The following PRSS57 variants were observed in gnomAD, a reference collection of about 807,000 sequenced individuals.
PRSS57 encodes the protein neutrophil serine protease 4.
A neutral mutation model predicts 20.6 loss-of-function variants in PRSS57; 19 were observed. That is an observed-to-expected ratio of 0.92 (90% CI 0.64 to 1.35). PRSS57 has a LOEUF of 1.35. Ranked by LOEUF, PRSS57 falls within the 40% of genes most tolerant of loss-of-function variation. PRSS57 has a pLI of 0.00. For missense variants in PRSS57, 440 were observed against 403.7 expected, an observed-to-expected ratio of 1.09 and a Z score of -0.77; for synonymous variants, 203 against 176.6, an observed-to-expected ratio of 1.15 and a Z score of -1.19.
At chr19:688,586 G>C (rs1421693408) in intron 3 of PRSS57, among the ~76,000 whole-genome samples, 5 of 145,894 alleles carry the variant, frequency 3.4e-5, no homozygotes, top group Non-Finnish European at 7.5e-5. Context: ...CCCACCCGGA[G>C]GACTCCACCC....
rs772793152 is a variant in PRSS57 at position 687,170 on chromosome 19, G to A, written c.397C>T (p.Leu133=). Residue 133 remains leucine, a synonymous_variant, in exon 4 of 5, where the codon CTG becomes TTG. Transcript: ENST00000329267. ...CTCAGCAGCCCCACTGCAGGGCCCA[G>A]GACAGCAGAGCCGTTCAGCTGCAGG... is the stretch of plus-strand genomic sequence containing the variant. ...CLLRLNGSAV[L]GPAVGLLRPP... is the part of the protein sequence containing the mutation. The A allele has an allele frequency of 3.8e-6, 6 of 1,570,046 alleles. No homozygotes were observed. The Admixed American group carries it at 1.1e-4, about 29-fold the overall frequency.
In PRSS57 at chr19:685,915, G is replaced by A; in HGVS notation, c.650C>T (p.Ser217Phe). ...SHRRGFCSAD[S>F]GGPLVCRNRA... ...GTTCCTGCACACCAGGGGCCCTCCGGAGTCGGCCTGGAGTGAAAGGAGAGG... is the reference window on the plus strand; with the variant it reads ...GTTCCTGCACACCAGGGGCCCTCCGAAGTCGGCCTGGAGTGAAAGGAGAGG... The change falls in exon 5 of 5, where the codon TCC becomes TTC. Residue 217 changes from serine to phenylalanine, a missense_variant. Transcript: ENST00000329267. 1 of 1,542,576 alleles carries A rather than the reference G, an allele frequency of 6.5e-7. No homozygotes were observed. Among genetic ancestry groups the A allele is most frequent in the South Asian group, 1.2e-5 (1 of 83,932 alleles).
rs1206085603 is a variant in PRSS57 at position 687,196 on chromosome 19, G to A, written c.379-8C>T. On this transcript the variant is annotated splice_region_variant and splice_polypyrimidine_tract_variant and intron_variant, in intron 3 of 4. Transcript: ENST00000329267. Reference sequence around the variant, plus strand: ...GACAGCAGAGCCGTTCAGCTGCAGGGAGAGCATGAGTTCAGGCCACTGGGC... The same window carrying A: ...GACAGCAGAGCCGTTCAGCTGCAGGAAGAGCATGAGTTCAGGCCACTGGGC... 1.3e-6 allele frequency: 2 copies of A among 1,510,184 alleles called. No homozygotes were observed. Among genetic ancestry groups the A allele is most frequent in the Admixed American group, 2.2e-5 (1 of 45,940 alleles). The allele number at this position is 1,510,184 out of a possible 1,614,324, so 93.5% of individuals were successfully genotyped here. A position where few individuals can be genotyped will look rare whatever the true frequency, so the allele number is the denominator to read the frequency against.
intron 3 of PRSS57, 144 bp from the exon 4 acceptor site, chr19:687,332 C>G: frequency 1.0e-6 from 1 of 963,648 alleles, no homozygotes. Context: ...AGGCCCCGTT[C>G]CTTCTGCCAA....
chr19:693,230 C>T (rs58224272), intron 2 of PRSS57, among the ~76,000 whole-genome samples: 100,239 of 131,388 alleles, frequency 0.76, 38,451 homozygotes, highest in Middle Eastern at 0.83. Context: ...CGCACCCGGC[C>T]TTTTTTTTTT....
In PRSS57 at chr19:685,756, G is replaced by T; in HGVS notation, c.809C>A (p.Pro270His). The stretch of plus-strand genomic sequence containing the variant: ...TGGGGGCCTGGTGGTCCCAGGCAGG[G>T]GGCCGGGCTGGGGACTGCTCCGCCG... The part of the protein sequence containing the change: ...VVRRSSPQPG[P>H]LPGTTRPPGE... The change falls in exon 5 of 5, where the codon CCC (proline) becomes CAC (histidine). Residue 270 changes from proline (P) to histidine (H), a missense_variant. Transcript: ENST00000329267. 2 of 1,560,944 alleles carry T rather than the reference G, an allele frequency of 1.3e-6. No individual in the cohort carries two copies. Among genetic ancestry groups the T allele is most frequent in the East Asian group, 2.4e-5 (1 of 42,030 alleles).
intron 2 of PRSS57, among the ~76,000 whole-genome samples, chr19:694,188 C>T (rs1884314543): frequency 6.6e-6 from 1 of 152,078 alleles, no homozygotes; most frequent in Admixed American, 6.6e-5. Flanking sequence ...CAGGACCAAC[C>T]TATCCCGTGC....
intron 3 of PRSS57, among the ~76,000 whole-genome samples, chr19:688,846 G>A (rs12185495): frequency 0.023 from 3,554 of 152,060 alleles, 63 homozygotes; most frequent in South Asian, 0.049. Flanking sequence ...TGATCTACCC[G>A]CCTCGGCCTC....
chr19:685,897 C>A lies in PRSS57; in HGVS notation c.668G>T (p.Cys223Phe). 5.2e-6 allele frequency: 8 copies of A among 1,549,492 alleles called. No individual in the cohort carries two copies. The highest frequency in any genetic ancestry group is 7.0e-6 in the Non-Finnish European group (8 of 1,146,616). Residue 223 changes from cysteine (C) to phenylalanine (F), a missense_variant, in exon 5 of 5, where the codon TGC (cysteine) becomes TTC (phenylalanine). By Grantham distance (205) the Cys-to-Phe change is radical (BLOSUM62 -2). Coordinates refer to ENST00000329267, the MANE Select transcript of PRSS57 (RefSeq NM_001308209.2). ...AACGAGGCCGTGAGCCCGGTTCCTGCACACCAGGGGCCCTCCGGAGTCGGC... is the reference window on the plus strand; with the variant it reads ...AACGAGGCCGTGAGCCCGGTTCCTGAACACCAGGGGCCCTCCGGAGTCGGC... ...CSADSGGPLVCRNRAHGLVSF... is the reference protein window; with the variant it reads ...CSADSGGPLVFRNRAHGLVSF...
Position 694,964 on chromosome 19 carries a change from G to C in PRSS57, c.83C>G (p.Ser28Cys). Residue 28 changes from serine (S) to cysteine (C), a missense_variant, in exon 2 of 5, where the codon TCC (serine) becomes TGC (cysteine). Ser to Cys is a moderately radical substitution (Grantham distance 112). Transcript: ENST00000329267. ...GCCCCCGATGATCTGGGCCCCCCAG[G>C]AGCCTGCTGGAGGGACGGCCTGAGT... The part of the protein sequence containing the change: ...ALMLPVKPPG[S>C]WGAQIIGGHE... The C allele has an allele frequency of 6.5e-7, 1 of 1,532,760 alleles. No individual in the cohort carries two copies. Among genetic ancestry groups the C allele is most frequent in the Non-Finnish European group, 8.8e-7 (1 of 1,140,172 alleles). The allele number at this position is 1,532,760 out of a possible 1,614,324, so 94.9% of individuals were successfully genotyped here. A position where few individuals can be genotyped will look rare whatever the true frequency, so the allele number is the denominator to read the frequency against.
At chr19:686,233 G>A (rs534091360) in intron 4 of PRSS57, among the ~76,000 whole-genome samples, 1 of 152,132 alleles carries the variant, frequency 6.6e-6, no homozygotes, top group South Asian at 2.1e-4. Context: ...ACAGCTGTAC[G>A]CGGCAGCCCT....
rs145585746 is a variant in PRSS57 at position 691,939 on chromosome 19, C to T, written c.297G>A (p.Gln99=). ...AHVLSTAEPT[Q]QVFGIDALTT... ...TGAGAGCATCGATGCCAAACACCTGCTGGGTGGGCTCCGCAGTACTCAGGA... is the reference window on the plus strand; with the variant it reads ...TGAGAGCATCGATGCCAAACACCTGTTGGGTGGGCTCCGCAGTACTCAGGA... The change falls in exon 3 of 5, where the codon CAG becomes CAA. Residue 99 remains glutamine, a synonymous_variant. Coordinates refer to ENST00000329267, the MANE Select transcript of PRSS57 (RefSeq NM_001308209.2). 3.1e-5 allele frequency: 41 copies of T among 1,334,312 alleles called. No homozygotes were observed. Among genetic ancestry groups the T allele is most frequent in the South Asian group, 7.8e-5 (3 of 38,448 alleles). 82.7% of individuals were successfully genotyped at this position (1,334,312 alleles called of 1,614,324 possible). A position where few individuals can be genotyped will look rare whatever the true frequency, so the allele number is the denominator to read the frequency against.
At chr19:694,297 G>A (rs1235180556) in intron 2 of PRSS57, among the ~76,000 whole-genome samples, 1 of 151,940 alleles carries the variant, frequency 6.6e-6, no homozygotes, top group Non-Finnish European at 1.5e-5. Context: ...GCAGGGCATG[G>A]CGGCTCACAC....
At chr19:690,436 T>A (rs1449035349) in intron 3 of PRSS57, 1 of 166,820 alleles carries the variant, frequency 6.0e-6, no homozygotes, top group African/African-American at 2.4e-5. Context: ...GGCACTGGCT[T>A]CCGGGCTGGG....
At chr19:695,121 G>A in intron 1 of PRSS57, 154 bp from the exon 2 acceptor site, 1 of 772,372 alleles carries the variant, frequency 1.3e-6, no homozygotes, top group Non-Finnish European at 1.9e-6. Context: ...GCCCAGACAA[G>A]CCCCCCAGAT....
chr19:686,872 T>C, intron 4 of PRSS57, 53 bp downstream of exon 4: 1 of 1,572,894 alleles, frequency 6.4e-7, no homozygotes, highest in Non-Finnish European at 8.7e-7. Context: ...ACCCTCTCTG[T>C]GGGCCTTGGT....
In PRSS57 at chr19:687,077, C is replaced by G; in HGVS notation, c.490G>C (p.Val164Leu). The G allele has an allele frequency of 6.2e-7, 1 of 1,613,940 alleles. No individual in the cohort carries two copies. The highest frequency in any genetic ancestry group is 8.5e-7 in the Non-Finnish European group (1 of 1,179,986). Reference protein sequence around the residue: ...TRCRVAGWGFVSDFEELPPGL... With the variant: ...TRCRVAGWGFLSDFEELPPGL... ...GGCGGCAGCTCCTCAAAGTCAGACA[C>G]GAAGCCCCAGCCAGCCACCCGGCAC... is the stretch of plus-strand genomic sequence containing the variant. Residue 164 changes from valine to leucine, a missense_variant, in exon 4 of 5, where the codon GTG becomes CTG. Val to Leu is a conservative substitution (Grantham distance 32). Transcript: ENST00000329267.
intron 2 of PRSS57, among the ~76,000 whole-genome samples, chr19:692,248 C>G (rs2031669653): frequency 6.7e-6 from 1 of 149,796 alleles, no homozygotes; most frequent in Non-Finnish European, 1.5e-5. Context: ...ACATGCCTGT[C>G]ATCCCAGCTA....
At chr19:695,058 CAG>C (rs1305175066) in intron 1 of PRSS57, 91 bp from the exon 2 acceptor site, 2 of 1,234,334 alleles carry the variant, frequency 1.6e-6, no homozygotes, top group East Asian at 2.9e-5. Context: ...GCGGCCAAGA[CAG>C]AGACAGGGGG....
Sources: allele counts gnomAD v4.1 joint callset (sites outside exome capture counted in the v4.1 genomes callset), GRCh38; gene constraint gnomAD v4.1.1; transcripts MANE v1.5; gene names NCBI Gene and HGNC (gene_info 2026-07-23, HGNC 2026-07-21).